APCDD1: variants seen among roughly 807,000 people sequenced by gnomAD.
The protein encoded by APCDD1 is protein APCDD1.
Under a neutral mutation model 38.1 loss-of-function variants are expected in APCDD1, and 15 were observed. The observed-to-expected ratio is 0.39, with a 90% CI of 0.26 to 0.61. APCDD1 has a LOEUF of 0.61. Among genes scored for constraint, APCDD1 ranks in the 20% least tolerant of loss-of-function variants. The pLI is 0.49. For synonymous variants in APCDD1, 261 were observed against 279.7 expected, an observed-to-expected ratio of 0.93 and a Z score of 0.67; for missense variants, 647 against 696.2, an observed-to-expected ratio of 0.93 and a Z score of 0.79.
At position 10,487,834 on chromosome 18, in the gene APCDD1, C is replaced by T. The variant is rs1055285662; in HGVS notation, c.1341C>T (p.Ser447=). The T allele has an allele frequency of 1.9e-6, 3 of 1,614,012 alleles. No homozygotes were observed. The highest frequency in any genetic ancestry group is 4.5e-5 in the East Asian group (2 of 44,884). ...ACGGTCAGAGGCCCAGCGACGGGTC[C>T]AGCCCAGACAGGCCAGAGAAGAGAG... The part of the protein sequence containing the change: ...LFNGQRPSDG[S]SPDRPEKRAT... The change falls in exon 5 of 5, where the codon TCC becomes TCT. Residue 447 remains serine (S), a synonymous_variant. Coordinates refer to ENST00000355285, the MANE Select transcript of APCDD1 (RefSeq NM_153000.5).
rs2030807878 is a variant in APCDD1, at chr18:10,469,788, A to G, written c.242+1136A>G. 6.6e-6 allele frequency among the ~76,000 whole-genome samples: 1 copy of G among 152,150 alleles called. No homozygotes were observed. Among genetic ancestry groups the G allele is most frequent in the Non-Finnish European group, 1.5e-5 (1 of 68,036 alleles). On this transcript the variant is annotated intron_variant, in intron 2 of 4. Transcript: ENST00000355285. This position sits in a 1 kb window ranked among gnomAD's most constrained non-coding sequence, Gnocchi z 5.5. The stretch of plus-strand genomic sequence containing the variant: ...GTGGGAAGAGCTTTGTATTTAAAGA[A>G]CCAGATGCCAGGCTAGATGCAGAGT...
At position 10,472,076 on chromosome 18, in the gene APCDD1, T is replaced by A. The variant is rs763499384; in HGVS notation, c.774+15T>A. The A allele has an allele frequency of 6.2e-7, 1 of 1,612,916 alleles. No individual in the cohort carries two copies. The highest frequency in any genetic ancestry group is 1.1e-5 in the South Asian group (1 of 91,050). ...AGAATGCCAAGGTACCTCAGAGCTC[T>A]GTGTTCTCCTCTTTATTGAGTAAAG... On this transcript the variant is annotated intron_variant, in intron 3 of 4. Transcript: ENST00000355285. The surrounding 1 kb of genome is among the most constrained non-coding windows in gnomAD (Gnocchi z 6.6).
In APCDD1 at chr18:10,472,400, G is replaced by A. The variant is rs1257016804; in HGVS notation, c.774+339G>A. 6.6e-6 allele frequency among the ~76,000 whole-genome samples: 1 copy of A among 152,196 alleles called. No individual in the cohort carries two copies. Among genetic ancestry groups the A allele is most frequent in the Non-Finnish European group, 1.5e-5 (1 of 68,042 alleles). On this transcript the variant is annotated intron_variant, in intron 3 of 4. Transcript: ENST00000355285. This position sits in a 1 kb window ranked among gnomAD's most constrained non-coding sequence, Gnocchi z 6.6. ...CCAGGAACCTCTTCAGTGATTCCAA[G>A]AGGACAGTGTGAAGGCGATGTCATA... is the stretch of plus-strand genomic sequence containing the variant.
chr18:10,470,948 G>A lies in APCDD1; in HGVS notation c.243-582G>A, dbSNP rs2030836807. 6.6e-6 allele frequency among the ~76,000 whole-genome samples: 1 copy of A among 152,236 alleles called. No homozygotes were observed. Among genetic ancestry groups the A allele is most frequent in the Admixed American group, 6.5e-5 (1 of 15,288 alleles). On this transcript the variant is annotated intron_variant, in intron 2 of 4. Transcript: ENST00000355285. This position sits in a 1 kb window ranked among gnomAD's most constrained non-coding sequence, Gnocchi z 4.1. ...TTGCCCCCTTTACTTTTCTACTAGA[G>A]AGAAAATTAATTCTGAATGGACAAG...
At chr18:10,459,369 G>A (rs1240785036) in intron 1 of APCDD1, among the ~76,000 whole-genome samples, 1 of 152,120 alleles carries the variant, frequency 6.6e-6, no homozygotes, top group Non-Finnish European at 1.5e-5. Context: ...GAGGGTGGAT[G>A]TGGCTAGTCA....
rs752320687 is a variant in APCDD1, at chr18:10,471,647, T to C, written c.360T>C (p.Tyr120=). Residue 120 remains tyrosine (Y), a synonymous_variant, in exon 3 of 5, where the codon TAT becomes TAC. Coordinates refer to ENST00000355285, the MANE Select transcript of APCDD1 (RefSeq NM_153000.5). This position sits in a 1 kb window ranked among gnomAD's most constrained non-coding sequence, Gnocchi z 5.5. The stretch of plus-strand genomic sequence containing the variant: ...GCAACCGGTGCACAAATCCCACTTA[T>C]ACTCTCATCATCCGGGGCAAGATCC... ...YGSNRCTNPT[Y]TLIIRGKIRL... 6.2e-6 allele frequency: 10 copies of C among 1,614,020 alleles called. No homozygotes were observed. Among genetic ancestry groups the C allele is most frequent in the South Asian group, 3.3e-5 (3 of 91,080 alleles).
At chr18:10,463,137 T>C (rs561129209) in intron 1 of APCDD1, among the ~76,000 whole-genome samples, 1 of 151,978 alleles carries the variant, frequency 6.6e-6, no homozygotes, top group South Asian at 2.1e-4. Context: ...AATCTCTCAC[T>C]CCTGCCCCCC....
chr18:10,458,841 C>G (rs1033381103), intron 1 of APCDD1, among the ~76,000 whole-genome samples: 1 of 152,116 alleles, frequency 6.6e-6, no homozygotes, highest in Non-Finnish European at 1.5e-5. Context: ...AGACTCTTCC[C>G]CTGGAGTTGA....
chr18:10,486,439 C>T (rs2031251775), intron 4 of APCDD1, among the ~76,000 whole-genome samples: 1 of 152,226 alleles, frequency 6.6e-6, no homozygotes. Flanking sequence ...CCTCTAATAA[C>T]ACTGCGTTTG....
At chr18:10,457,262 G>T (rs2030406713) in intron 1 of APCDD1, among the ~76,000 whole-genome samples, 2 of 152,092 alleles carry the variant, frequency 1.3e-5, no homozygotes, top group African/African-American at 4.8e-5. Flanking sequence ...GAAAAGAATG[G>T]GATATTCTTC....
intron 1 of APCDD1, among the ~76,000 whole-genome samples, chr18:10,465,512 A>G (rs547914276): frequency 1.3e-5 from 2 of 152,374 alleles, no homozygotes; most frequent in Non-Finnish European, 2.9e-5. Flanking sequence ...TTAGTGAAGC[A>G]AATATTTATT....
rs7226906 is a variant in APCDD1, at chr18:10,471,287, A to C, written c.243-243A>C. ...GGACTGGCTCTGATACTTGCTGGTC[A>C]TGTGCTCTTGGGCATGTTCCCTAAC... On this transcript the variant is annotated intron_variant, in intron 2 of 4. Transcript: ENST00000355285. This position sits in a 1 kb window ranked among gnomAD's most constrained non-coding sequence, Gnocchi z 5.5. Among the ~76,000 whole-genome samples the C allele has an allele frequency of 0.2, 29,679 of 152,076 alleles. 3,922 individuals carry two copies. The highest frequency in any genetic ancestry group is 0.38 in the African/African-American group (15,804 of 41,442).
chr18:10,485,487 G>GTCGGA lies in APCDD1; in HGVS notation c.803_807dup (p.Ile270GlyfsTer20), dbSNP rs1258041076. 1 of 1,614,132 alleles carries GTCGGA rather than the reference G, an allele frequency of 6.2e-7. No individual in the cohort carries two copies. The highest frequency in any genetic ancestry group is 1.1e-5 in the South Asian group (1 of 91,082). On this transcript the variant is annotated frameshift_variant, in exon 4 of 5. Coordinates refer to ENST00000355285, the MANE Select transcript of APCDD1 (RefSeq NM_153000.5). LOFTEE classifies it high-confidence loss of function. This position sits in a 1 kb window ranked among gnomAD's most constrained non-coding sequence, Gnocchi z 5.8. ...AACCACGACCATGCCTGCATCGCCT[G>GTCGGA]TCGGATCATCTATCGGTCAGACGAG... is the stretch of plus-strand genomic sequence containing the variant.
At chr18:10,465,694 T>C (rs765424804) in intron 1 of APCDD1, among the ~76,000 whole-genome samples, 1 of 152,134 alleles carries the variant, frequency 6.6e-6, no homozygotes, top group Non-Finnish European at 1.5e-5. Context: ...GCAAGAGAAA[T>C]TGCCAGATGT....
At chr18:10,457,181 T>G (rs1356960705) in intron 1 of APCDD1, among the ~76,000 whole-genome samples, 1 of 152,188 alleles carries the variant, frequency 6.6e-6, no homozygotes, top group Non-Finnish European at 1.5e-5. Context: ...GAGGAAATCA[T>G]TGTTCAAGTT....
intron 1 of APCDD1, among the ~76,000 whole-genome samples, chr18:10,465,867 T>G (rs2030701023): frequency 6.6e-6 from 1 of 152,218 alleles, no homozygotes; most frequent in African/African-American, 2.4e-5. Flanking sequence ...ATGTCTTGGA[T>G]TCAATGCAAT....
chr18:10,473,916 C>A (rs1019356853), intron 3 of APCDD1, among the ~76,000 whole-genome samples: 3 of 148,478 alleles, frequency 2.0e-5, no homozygotes, highest in Non-Finnish European at 4.4e-5. Context: ...GTCTAGCCAC[C>A]TTTCTGGGAT....
At chr18:10,482,683 G>A (rs2031167799) in intron 3 of APCDD1, among the ~76,000 whole-genome samples, 1 of 152,166 alleles carries the variant, frequency 6.6e-6, no homozygotes, top group African/African-American at 2.4e-5. Flanking sequence ...GTGTCAGAGG[G>A]GGTGTCACTG....
chr18:10,475,546 A>C lies in APCDD1; in HGVS notation c.774+3485A>C, dbSNP rs2030970302. On this transcript the variant is annotated intron_variant, in intron 3 of 4. Transcript: ENST00000355285. This position sits in a 1 kb window ranked among gnomAD's most constrained non-coding sequence, Gnocchi z 4.0. Reference sequence around the variant, plus strand: ...AGGAAATTAATGACTGCCTCAGAGGAAGTGACAGAGTTGTCTATCTGGGAT... The same window carrying C: ...AGGAAATTAATGACTGCCTCAGAGGCAGTGACAGAGTTGTCTATCTGGGAT... 6.6e-6 allele frequency among the ~76,000 whole-genome samples: 1 copy of C among 152,134 alleles called. No homozygotes were observed. The highest frequency in any genetic ancestry group is 6.5e-5 in the Admixed American group (1 of 15,274).
Sources: gnomAD v4.1 joint callset for allele counts (sites outside exome capture counted in the v4.1 genomes callset) on GRCh38, gnomAD v4.1.1 for gene constraint, Gnocchi (gnomAD v3.1) non-coding constraint, MANE v1.5 for transcripts, NCBI Gene and HGNC (gene_info 2026-07-23, HGNC 2026-07-21) for gene names.